Variants in TAS2R1 observed in about 807,000 individuals in gnomAD.
The protein encoded by TAS2R1 is taste receptor type 2 member 1.
For missense variants in TAS2R1, 370 were observed against 353.4 expected (o/e 1.05, Z -0.38); for synonymous variants, 141 against 134.2 (o/e 1.05, Z -0.35).
intron 1 of TAS2R1, among the ~76,000 whole-genome samples, chr5:9,680,212 T>A (rs1740966431): frequency 6.6e-6 from 1 of 152,162 alleles, no homozygotes; most frequent in South Asian, 2.1e-4. Context: ...ACCCAAAGCA[T>A]ATAATAAATA....
the TAS2R1 span, among the ~76,000 whole-genome samples, chr5:9,888,080 G>A: frequency 7.2e-4 from 110 of 152,192 alleles, no homozygotes; most frequent in Non-Finnish European, 1.2e-3. Context: ...GGCTTGCAGG[G>A]GACTGCTCAG....
the TAS2R1 span, among the ~76,000 whole-genome samples, chr5:9,865,459 T>C: frequency 6.6e-6 from 1 of 152,246 alleles, no homozygotes; most frequent in Non-Finnish European, 1.5e-5. Context: ...GATGTTTTTA[T>C]AGTCACTATT....
the TAS2R1 span, among the ~76,000 whole-genome samples, chr5:9,891,126 G>T: frequency 2.0e-5 from 3 of 152,110 alleles, no homozygotes; most frequent in Non-Finnish European, 1.5e-5. Context: ...TATCAAAGAA[G>T]ACTATTCATA....
chr5:9,869,694 G>T, the TAS2R1 span, among the ~76,000 whole-genome samples: 1 of 152,216 alleles, frequency 6.6e-6, no homozygotes, highest in Admixed American at 6.5e-5. Flanking sequence ...TGCATCCTGT[G>T]TGACTCCACT....
chr5:9,814,282 G>C, the TAS2R1 span, among the ~76,000 whole-genome samples: 3 of 151,396 alleles, frequency 2.0e-5, no homozygotes, highest in Non-Finnish European at 4.4e-5. Context: ...CATTTATGCC[G>C]AGTTTTCTAA....
the TAS2R1 span, among the ~76,000 whole-genome samples, chr5:9,876,964 G>A: frequency 6.6e-6 from 1 of 152,148 alleles, no homozygotes; most frequent in African/African-American, 2.4e-5. Context: ...CAAGATGCAG[G>A]TTGCTCCCCA....
intron 1 of TAS2R1, among the ~76,000 whole-genome samples, chr5:9,663,215 A>T (rs183931901): frequency 4.6e-5 from 7 of 152,352 alleles, no homozygotes; most frequent in Non-Finnish European, 1.0e-4. Context: ...CAAACAATAT[A>T]TGTGCTAAAA....
chr5:9,817,843 C>T, the TAS2R1 span, among the ~76,000 whole-genome samples: 1 of 148,314 alleles, frequency 6.7e-6, no homozygotes, highest in African/African-American at 2.5e-5. Context: ...GGAAGCGAGC[C>T]TTGTCTTACA....
chr5:9,675,312 T>C (rs569554731), intron 1 of TAS2R1, among the ~76,000 whole-genome samples: 10 of 151,540 alleles, frequency 6.6e-5, no homozygotes, highest in South Asian at 2.1e-4. Flanking sequence ...TTTGTAGATA[T>C]CAACAAACTT....
At chr5:9,640,904 T>C (rs1740069461) in intron 2 of TAS2R1, among the ~76,000 whole-genome samples, 1 of 152,216 alleles carries the variant, frequency 6.6e-6, no homozygotes, top group African/African-American at 2.4e-5. Context: ...CATTGTTTTC[T>C]AGCTCTCTCT....
chr5:9,856,034 T>A, the TAS2R1 span, among the ~76,000 whole-genome samples: 1 of 152,206 alleles, frequency 6.6e-6, no homozygotes, highest in Non-Finnish European at 1.5e-5. Context: ...GAATTGTATT[T>A]ACATTTTACT....
chr5:9,878,904 T>C, the TAS2R1 span, among the ~76,000 whole-genome samples: 1 of 152,226 alleles, frequency 6.6e-6, no homozygotes, highest in African/African-American at 2.4e-5. Context: ...TGTATGAGGT[T>C]TGGAGTGCAG....
intron 1 of TAS2R1, among the ~76,000 whole-genome samples, chr5:9,694,977 T>C (rs1191340158): frequency 6.6e-6 from 1 of 152,218 alleles, no homozygotes; most frequent in Non-Finnish European, 1.5e-5. Flanking sequence ...TCCTTTCTCC[T>C]TCCAGTTCAT....
chr5:9,702,877 C>T (rs1243962340), intron 1 of TAS2R1, among the ~76,000 whole-genome samples: 1 of 151,650 alleles, frequency 6.6e-6, no homozygotes, highest in African/African-American at 2.4e-5. Context: ...ACAAGGAAGA[C>T]AGAGGTAAGA....
chr5:9,884,473 T>TAAAAA, the TAS2R1 span, among the ~76,000 whole-genome samples: 1 of 108,338 alleles, frequency 9.2e-6, no homozygotes, highest in Non-Finnish European at 1.9e-5. Flanking sequence ...GACTCTGACT[T>TAAAAA]AAAAAAAAAA....
the TAS2R1 span, among the ~76,000 whole-genome samples, chr5:9,718,883 A>C: frequency 6.6e-6 from 1 of 152,238 alleles, no homozygotes; most frequent in African/African-American, 2.4e-5. Context: ...ATTAAAAAAA[A>C]AAATCAATGT....
chr5:9,878,753 T>C, the TAS2R1 span, among the ~76,000 whole-genome samples: 1 of 152,184 alleles, frequency 6.6e-6, no homozygotes, highest in African/African-American at 2.4e-5. Flanking sequence ...TCCATCAACA[T>C]CTTTCATACA....
the TAS2R1 span, among the ~76,000 whole-genome samples, chr5:9,842,135 G>A: frequency 6.6e-6 from 1 of 152,090 alleles, no homozygotes; most frequent in African/African-American, 2.4e-5. Context: ...TTCATCACTT[G>A]TAGATCTGTG....
At chr5:9,729,037 G>A in the TAS2R1 span, among the ~76,000 whole-genome samples, 1 of 152,198 alleles carries the variant, frequency 6.6e-6, no homozygotes, top group African/African-American at 2.4e-5. Context: ...GCATCCAGCT[G>A]TGCCACAGAT....
Sources: gnomAD v4.1 joint callset for allele counts (sites outside exome capture counted in the v4.1 genomes callset) on GRCh38, gnomAD v4.1.1 for gene constraint, MANE v1.5 for transcripts, NCBI Gene and HGNC (gene_info 2026-07-23, HGNC 2026-07-21) for gene names.